Variants in COG7 observed in about 807,000 individuals in gnomAD.
COG7 encodes component of oligomeric golgi complex 7, also known as conserved oligomeric Golgi complex subunit 7.
A neutral mutation model predicts 91.5 loss-of-function variants in COG7; 49 were observed. The ratio of observed to expected loss-of-function variants is 0.54; its 90% CI spans 0.43 to 0.68. COG7 has a LOEUF of 0.68. COG7 is among the 30% of genes least tolerant of loss of function. COG7 has a pLI of 0.00. For missense variants in COG7, 895 were observed against 961.3 expected (o/e 0.93, Z 0.91); for synonymous variants, 365 against 388.7 (o/e 0.94, Z 0.72).
At position 23,424,778 on chromosome 16, in the gene COG7, C is replaced by A. The variant is rs758529323; in HGVS notation, c.980G>T (p.Gly327Val). The A allele has an allele frequency of 2.5e-6, 4 of 1,614,242 alleles. No homozygotes were observed. Among genetic ancestry groups the A allele is most frequent in the South Asian group, 2.2e-5 (2 of 91,086 alleles). Residue 327 changes from glycine (G) to valine (V), a missense_variant, in exon 7 of 17, where the codon GGC becomes GTC. Physicochemically the swap from Gly to Val is moderately radical, Grantham distance 109. Coordinates refer to ENST00000307149, the MANE Select transcript of COG7 (RefSeq NM_153603.4). ...FYDATAHFAKGLEMALLPHLH... is the reference protein window; with the variant it reads ...FYDATAHFAKVLEMALLPHLH... ...GTGGGGGAGCAGTGCCATCTCCAAGCCCTTGGCGAAGTGGGCGGTGGCGTC... is the reference window on the plus strand; with the variant it reads ...GTGGGGGAGCAGTGCCATCTCCAAGACCTTGGCGAAGTGGGCGGTGGCGTC...
chr16:23,442,356 A>G, intron 4 of COG7, 121 bp downstream of exon 4: 1 of 915,068 alleles, frequency 1.1e-6, no homozygotes, highest in Non-Finnish European at 1.7e-6. Flanking sequence ...AAAAAAAATT[A>G]CAGAGTTCCT....
At position 23,442,532 on chromosome 16, in the gene COG7, C is replaced by A; in HGVS notation, c.549G>T (p.Arg183Ser). 6.2e-7 allele frequency: 1 copy of A among 1,614,138 alleles called. No homozygotes were observed. Among genetic ancestry groups the A allele is most frequent in the Non-Finnish European group, 8.5e-7 (1 of 1,180,030 alleles). ...KCVHLEALKN[R>S]LEALASPQIV... ...TCTGTGGACTGGCTAGGGCCTCCAG[C>A]CTGTTCTTCAGTGCCTCCAAGTGCA... Residue 183 changes from arginine (R) to serine (S), a missense_variant, in exon 4 of 17, where the codon AGG (arginine) becomes AGT (serine). Transcript: ENST00000307149.
intron 14 of COG7, among the ~76,000 whole-genome samples, chr16:23,394,644 C>T (rs1223074932): frequency 3.3e-5 from 5 of 151,998 alleles, no homozygotes; most frequent in Admixed American, 6.6e-5. Flanking sequence ...TACGTAACAG[C>T]GGGCTCCTTT....
intron 4 of COG7, among the ~76,000 whole-genome samples, chr16:23,438,786 G>A (rs1964052370): frequency 6.6e-6 from 1 of 151,848 alleles, no homozygotes; most frequent in African/African-American, 2.4e-5. Flanking sequence ...TGGAACCCTT[G>A]TGCATTGCTG....
At chr16:23,451,344 G>A (rs1021925236) in intron 1 of COG7, among the ~76,000 whole-genome samples, 2 of 151,540 alleles carry the variant, frequency 1.3e-5, no homozygotes, top group African/African-American at 4.9e-5. Context: ...AACACACGGT[G>A]AATAAAAGTC....
intron 15 of COG7, among the ~76,000 whole-genome samples, chr16:23,392,803 C>T (rs902356395): frequency 4.6e-5 from 7 of 151,906 alleles, no homozygotes; most frequent in African/African-American, 7.3e-5. Context: ...TGGTGGTGCG[C>T]GCCTGTAGTC....
Position 23,406,178 on chromosome 16 carries a change from G to A in COG7, c.1560C>T (p.Asp520=), listed in dbSNP as rs1255802125. ...ATGGGTTCTTGGCAGAGTTCTTCTT[G>A]TCTGTCAAGATGCTCTCCTGAAAAC... ...LAGFQESILT[D]KKNSAKNPWQ... The change falls in exon 12 of 17, where the codon GAC becomes GAT. Residue 520 remains aspartate, a synonymous_variant. Coordinates refer to ENST00000307149, the MANE Select transcript of COG7 (RefSeq NM_153603.4). 2 of 1,613,952 alleles carry A rather than the reference G, an allele frequency of 1.2e-6. No homozygotes were observed. The highest frequency in any genetic ancestry group is 1.1e-5 in the South Asian group (1 of 91,076).
chr16:23,429,306 A>G (rs1253869952), intron 6 of COG7, among the ~76,000 whole-genome samples: 1 of 151,896 alleles, frequency 6.6e-6, no homozygotes, highest in Non-Finnish European at 1.5e-5. Context: ...TTTCTTACAA[A>G]CCTAAACATA....
rs1255039478 is a variant in COG7, at chr16:23,442,631, A to C, written c.450T>G (p.Ile150Met). Residue 150 changes from isoleucine to methionine, a missense_variant, in exon 4 of 17, where the codon ATT (isoleucine) becomes ATG (methionine). Transcript: ENST00000307149. ...ETFKTQDIAVISAKLTGMQNS... is the reference protein window; with the variant it reads ...ETFKTQDIAVMSAKLTGMQNS... ...TCTGCATACCTGTTAGCTTGGCAGA[A>C]ATCACAGCTATGTCCTAGAAAAGAC... 1 of 1,613,806 alleles carries C rather than the reference A, an allele frequency of 6.2e-7. No individual in the cohort carries two copies. The highest frequency in any genetic ancestry group is 8.5e-7 in the Non-Finnish European group (1 of 1,179,664).
chr16:23,451,430 T>C (rs1355687322), intron 1 of COG7, among the ~76,000 whole-genome samples: 1 of 152,136 alleles, frequency 6.6e-6, no homozygotes, highest in Admixed American at 6.6e-5. Flanking sequence ...ACAAATGGTT[T>C]AGGCCAGGCG....
chr16:23,445,230 C>T lies in COG7; in HGVS notation c.319-66G>A, dbSNP rs1045113814. 6.4e-6 allele frequency: 7 copies of T among 1,091,676 alleles called. No individual in the cohort carries two copies. The African/African-American group carries it at 1.1e-4, about 17-fold the overall frequency. The allele number at this position is 1,091,676 out of a possible 1,614,324, so 67.6% of individuals were successfully genotyped here. Reference sequence around the variant, plus strand: ...CTTTTTCTCCATCTGCCACCAGGGACTTGAAATGTAAGTATGGTGGCTTGC... The same window carrying T: ...CTTTTTCTCCATCTGCCACCAGGGATTTGAAATGTAAGTATGGTGGCTTGC... On this transcript the variant is annotated intron_variant, in intron 2 of 16. Transcript: ENST00000307149.
chr16:23,420,956 C>T (rs1963746694), intron 7 of COG7, among the ~76,000 whole-genome samples: 1 of 115,246 alleles, frequency 8.7e-6, no homozygotes, highest in East Asian at 2.5e-4. Flanking sequence ...GTATATGTTT[C>T]CAGAGCTGAT....
intron 6 of COG7, among the ~76,000 whole-genome samples, chr16:23,431,445 G>A (rs895185231): frequency 1.3e-5 from 2 of 152,188 alleles, no homozygotes; most frequent in African/African-American, 2.4e-5. Context: ...AAAGGCATTC[G>A]TATGTATGGA....
intron 2 of COG7, 125 bp from the exon 3 acceptor site, chr16:23,445,289 A>G (rs1964163652): frequency 1.3e-6 from 1 of 780,496 alleles, no homozygotes; most frequent in Non-Finnish European, 2.3e-6. Flanking sequence ...CTCCCAAAAC[A>G]CCAATCATCT....
intron 6 of COG7, among the ~76,000 whole-genome samples, chr16:23,432,052 CAGG>C (rs956701006): frequency 5.9e-5 from 9 of 151,910 alleles, no homozygotes; most frequent in Admixed American, 2.6e-4. Context: ...AAGGCTCAGG[CAGG>C]AGGACAGCTT....
intron 9 of COG7, chr16:23,415,926 G>C (rs958687240): frequency 1.3e-5 from 2 of 152,028 alleles, no homozygotes; most frequent in Non-Finnish European, 2.9e-5. Context: ...CAGCTATTTT[G>C]GTAACTTCAA....
chr16:23,441,924 C>T (rs867697832), intron 4 of COG7: 2 of 153,896 alleles, frequency 1.3e-5, no homozygotes, highest in African/African-American at 2.4e-5. Context: ...AGACATTCTG[C>T]GGGAAAAGAA....
At chr16:23,439,727 T>C (rs1964070760) in intron 4 of COG7, among the ~76,000 whole-genome samples, 1 of 152,312 alleles carries the variant, frequency 6.6e-6, no homozygotes, top group East Asian at 1.9e-4. Flanking sequence ...TTAATGCGTA[T>C]GAAATTTCAG....
At chr16:23,389,374 C>G (rs981276841) in intron 16 of COG7, among the ~76,000 whole-genome samples, 1 of 152,018 alleles carries the variant, frequency 6.6e-6, no homozygotes, top group African/African-American at 2.4e-5. Flanking sequence ...TGCACACACA[C>G]GCACACACAC....
Sources: gnomAD v4.1 joint callset for allele counts (sites outside exome capture counted in the v4.1 genomes callset) on GRCh38, gnomAD v4.1.1 for gene constraint, MANE v1.5 for transcripts, NCBI Gene and HGNC (gene_info 2026-07-23, HGNC 2026-07-21) for gene names.